NFILZ: variants seen among roughly 807,000 people sequenced by gnomAD.
NFILZ encodes the protein NFIL3 like protein.
At chr19:8,661,995 T>C (rs1216593500) in intron 3 of NFILZ, among the ~76,000 whole-genome samples, 2 of 151,856 alleles carry the variant, frequency 1.3e-5, no homozygotes, top group Non-Finnish European at 2.9e-5. Context: ...AGGCTAGGAA[T>C]TGGAGAGCAG....
intron 3 of NFILZ, among the ~76,000 whole-genome samples, chr19:8,656,497 C>CACCTTCTCCT (rs1246521049): frequency 1.5e-5 from 1 of 68,452 alleles, no homozygotes; most frequent in Non-Finnish European, 2.9e-5. Context: ...CACCTTCTCC[C>CACCTTCTCCT]GCAGCCCACC....
At chr19:8,632,873 C>T (rs1293623353) in intron 2 of NFILZ, among the ~76,000 whole-genome samples, 18 of 151,900 alleles carry the variant, frequency 1.2e-4, no homozygotes, top group Admixed American at 1.2e-3. Context: ...CAGGCACACA[C>T]CACCATGCCC....
rs572348755 is a variant in NFILZ at position 8,649,827 on chromosome 19, T to A, written c.-164+14081T>A. 1.5e-3 allele frequency among the ~76,000 whole-genome samples: 222 copies of A among 151,416 alleles called. 1 individual carries two copies. Among genetic ancestry groups the A allele is most frequent in the Middle Eastern group, 3.4e-3 (1 of 294 alleles). Reference sequence around the variant, plus strand: ...TAATAAAATACCCTGAAAAAAAAAATCTTTTGGCCGGGCGTGGTAGCTCAC... The same window carrying A: ...TAATAAAATACCCTGAAAAAAAAAAACTTTTGGCCGGGCGTGGTAGCTCAC... On this transcript the variant is annotated intron_variant, in intron 3 of 5. Coordinates refer to ENST00000691075, the MANE Select transcript of NFILZ (RefSeq NM_001378600.1).
In NFILZ at chr19:8,678,029, TATCCATCC is replaced by T. The variant is rs1201605257; in HGVS notation, c.*412_*419del. ...ATTAGTCCCTCCATCCTTATCCATC[TATCCATCC>T]ATCCATCCATCCATCCACCCATCTA... is the stretch of plus-strand genomic sequence containing the variant. On this transcript the variant is annotated 3_prime_UTR_variant, in exon 6 of 6. Transcript: ENST00000691075. Among the ~76,000 whole-genome samples the T allele has an allele frequency of 1.2e-5, 1 of 83,794 alleles. No individual in the cohort carries two copies. The highest frequency in any genetic ancestry group is 3.3e-4 in the South Asian group (1 of 3,036). 55.0% of individuals were successfully genotyped at this position (83,794 alleles called of 152,430 possible). A position where few individuals can be genotyped will look rare whatever the true frequency, so the allele number is the denominator to read the frequency against.
At chr19:8,637,912 C>CAAAAAAAAAAAAAAAAAAA (rs35778716) in intron 3 of NFILZ, among the ~76,000 whole-genome samples, 4 of 20,274 alleles carry the variant, frequency 2.0e-4, no homozygotes, top group African/African-American at 3.4e-4. Flanking sequence ...AAGATGGTCT[C>CAAAAAAAAAAAAAAAAAAA]AAAAAAAAAA....
chr19:8,666,992 C>T (rs782492554), intron 3 of NFILZ, among the ~76,000 whole-genome samples: 2 of 150,890 alleles, frequency 1.3e-5, no homozygotes, highest in Admixed American at 6.6e-5. Flanking sequence ...TCAACTGTTC[C>T]TCCTGCCTCG....
chr19:8,667,848 C>T (rs1421589792), intron 3 of NFILZ, among the ~76,000 whole-genome samples: 2 of 152,054 alleles, frequency 1.3e-5, no homozygotes, highest in Non-Finnish European at 2.9e-5. Flanking sequence ...GCCCTGCCCT[C>T]CCATATACTT....
At chr19:8,631,439 C>T (rs2042868914) in intron 1 of NFILZ, among the ~76,000 whole-genome samples, 1 of 152,088 alleles carries the variant, frequency 6.6e-6, no homozygotes, top group Admixed American at 6.6e-5. Flanking sequence ...AGGCAGCATT[C>T]TGAACTGGAG....
chr19:8,661,012 C>T (rs1312203882), intron 3 of NFILZ, among the ~76,000 whole-genome samples: 1 of 130,234 alleles, frequency 7.7e-6, no homozygotes, highest in Non-Finnish European at 1.6e-5. Context: ...TTTCCCTTCC[C>T]TTTCTTTCCT....
At chr19:8,641,783 G>A (rs1424928284) in intron 3 of NFILZ, among the ~76,000 whole-genome samples, 5 of 151,956 alleles carry the variant, frequency 3.3e-5, no homozygotes, top group Non-Finnish European at 7.4e-5. Context: ...AGGATCACAT[G>A]ACACATATGT....
intron 3 of NFILZ, among the ~76,000 whole-genome samples, chr19:8,642,314 C>T (rs1325436780): frequency 1.3e-5 from 2 of 152,272 alleles, no homozygotes; most frequent in African/African-American, 2.4e-5. Context: ...TGATCACATG[C>T]ATGTCTTTGC....
intron 3 of NFILZ, among the ~76,000 whole-genome samples, chr19:8,651,532 A>G (rs1212485839): frequency 6.6e-6 from 1 of 151,008 alleles, no homozygotes; most frequent in East Asian, 2.0e-4. Flanking sequence ...TCTTCTATCT[A>G]ACTTTTTTCT....
intron 3 of NFILZ, among the ~76,000 whole-genome samples, chr19:8,646,925 G>A (rs2042941362): frequency 6.6e-6 from 1 of 152,140 alleles, no homozygotes; most frequent in Admixed American, 6.5e-5. Context: ...AGGCCCTGAG[G>A]CAGCTGGCCC....
intron 3 of NFILZ, among the ~76,000 whole-genome samples, chr19:8,663,756 G>GTA (rs2043047962): frequency 3.7e-4 from 55 of 148,380 alleles, no homozygotes; most frequent in African/African-American, 8.1e-4. Flanking sequence ...GTGTGTGTGT[G>GTA]TGTGTGTGTG....
chr19:8,650,305 A>T (rs2146146629), intron 3 of NFILZ, among the ~76,000 whole-genome samples: 1 of 152,262 alleles, frequency 6.6e-6, no homozygotes, highest in East Asian at 1.9e-4. Flanking sequence ...ACCACAGTCC[A>T]GTGTCAAGAT....
intron 3 of NFILZ, among the ~76,000 whole-genome samples, chr19:8,659,189 A>C (rs988364555): frequency 4.6e-5 from 7 of 151,398 alleles, no homozygotes; most frequent in Admixed American, 4.0e-4. Context: ...CGGAGATGGC[A>C]GTGAGCCGAG....
In NFILZ at chr19:8,633,021, C is replaced by CTTTTTT. The variant is rs140247462; in HGVS notation, c.-261+408_-261+413dup. Among the ~76,000 whole-genome samples, 37 of 118,462 alleles carry CTTTTTT rather than the reference C, an allele frequency of 3.1e-4. 1 individual carries two copies. Among genetic ancestry groups the CTTTTTT allele is most frequent in the African/African-American group, 1.2e-3 (36 of 29,004 alleles). The allele number at this position is 118,462 out of a possible 152,430, so 77.7% of individuals were successfully genotyped here. A position where few individuals can be genotyped will look rare whatever the true frequency, so the allele number is the denominator to read the frequency against. On this transcript the variant is annotated intron_variant, in intron 2 of 5. Coordinates refer to ENST00000691075, the MANE Select transcript of NFILZ (RefSeq NM_001378600.1). ...TACAGGCATGAACCACTGCACCTGC[C>CTTTTTT]TTTTTTTTTTTTTTTTTGAGACAGA...
chr19:8,664,208 C>T (rs1173922000), intron 3 of NFILZ, among the ~76,000 whole-genome samples: 1 of 152,188 alleles, frequency 6.6e-6, no homozygotes, highest in Admixed American at 6.5e-5. Context: ...AATGTATGTA[C>T]CGGGTTACCT....
chr19:8,633,901 T>G (rs1226270029), intron 2 of NFILZ, among the ~76,000 whole-genome samples: 6 of 142,934 alleles, frequency 4.2e-5, no homozygotes, highest in African/African-American at 1.6e-4. Flanking sequence ...CTTCCTTCCT[T>G]CCTTCCTTCC....
Sources: allele counts gnomAD v4.1 joint callset (sites outside exome capture counted in the v4.1 genomes callset), GRCh38; gene constraint gnomAD v4.1.1; transcripts MANE v1.5; gene names NCBI Gene and HGNC (gene_info 2026-07-23, HGNC 2026-07-21).